Variants in CACNA1C observed in about 807,000 individuals in gnomAD.
CACNA1C encodes calcium voltage-gated channel subunit alpha1 C, also known as voltage-dependent L-type calcium channel subunit alpha-1C.
CACNA1C carries 30 observed loss-of-function variants against 229.0 expected under a neutral mutation model. That is an observed-to-expected ratio of 0.13 (90% CI 0.10 to 0.18). CACNA1C has a LOEUF of 0.18. Among genes scored for constraint, CACNA1C ranks in the 10% least tolerant of loss-of-function variants. The pLI, the probability that CACNA1C is intolerant of heterozygous loss-of-function variation, is 1.00. For synonymous variants in CACNA1C, 1,114 were observed against 1,132.5 expected, an observed-to-expected ratio of 0.98 and a Z score of 0.33; for missense variants, 1,658 against 2,845.0, an observed-to-expected ratio of 0.58 and a Z score of 9.49.
At chr12:2,474,629 G>A (rs1028208470) in intron 5 of CACNA1C, among the ~76,000 whole-genome samples, 12 of 151,962 alleles carry the variant, frequency 7.9e-5, no homozygotes, top group Non-Finnish European at 1.8e-4. Context: ...GGTGGCACAC[G>A]CCGGTAATCC....
In CACNA1C at chr12:2,602,564, T is replaced by C. The variant is rs1262369623; in HGVS notation, c.2960+604T>C. On this transcript the variant is annotated intron_variant, in intron 22 of 46. Coordinates refer to ENST00000399655, the MANE Select transcript of CACNA1C (RefSeq NM_000719.7). The surrounding 1 kb of genome is among the most constrained non-coding windows in gnomAD (Gnocchi z 4.4). Reference sequence around the variant, plus strand: ...ATATGTGTCTATGGACGTGAATGTATATGTGTATGTATGTGCATATGTATG... The same window carrying C: ...ATATGTGTCTATGGACGTGAATGTACATGTGTATGTATGTGCATATGTATG... Among the ~76,000 whole-genome samples the C allele has an allele frequency of 6.6e-6, 1 of 152,014 alleles. No individual in the cohort carries two copies. The highest frequency in any genetic ancestry group is 1.5e-5 in the Non-Finnish European group (1 of 68,004).
At chr12:2,151,262 AT>A (rs113212437) in intron 3 of CACNA1C, among the ~76,000 whole-genome samples, 30 of 147,572 alleles carry the variant, frequency 2.0e-4, no homozygotes, top group South Asian at 6.5e-4. Flanking sequence ...GCACAGTAAG[AT>A]TTTTTTTTTT....
In CACNA1C at chr12:2,019,678, G is replaced by A. The variant is rs370034616; in HGVS notation, c.139+48477G>A. 8.2e-4 allele frequency among the ~76,000 whole-genome samples: 125 copies of A among 152,272 alleles called. 1 individual carries two copies. The highest frequency in any genetic ancestry group is 3.0e-3 in the African/African-American group (124 of 41,556). The stretch of plus-strand genomic sequence containing the variant: ...CTAATGTAACATGGTATTTTTGTGA[G>A]AGGATACTGTTAACTATAGCAATCA... On this transcript the variant is annotated intron_variant, in intron 1 of 46. Transcript: ENST00000682462.
At chr12:2,180,177 A>G (rs374336885) in intron 3 of CACNA1C, among the ~76,000 whole-genome samples, 49 of 152,330 alleles carry the variant, frequency 3.2e-4, no homozygotes, top group African/African-American at 1.2e-3. Context: ...TTCTGAGTAA[A>G]CACGCATGCA....
intron 1 of CACNA1C, among the ~76,000 whole-genome samples, chr12:2,033,681 G>A (rs1443053648): frequency 6.6e-6 from 1 of 152,166 alleles, no homozygotes; most frequent in African/African-American, 2.4e-5. Flanking sequence ...ATCCCAGCTC[G>A]CTCTCATTTA....
At position 2,287,631 on chromosome 12, in the gene CACNA1C, G is replaced by A. The variant is rs1304386794; in HGVS notation, c.478-161345G>A. Among the ~76,000 whole-genome samples, 2 of 152,104 alleles carry A rather than the reference G, an allele frequency of 1.3e-5. No individual in the cohort carries two copies. The highest frequency in any genetic ancestry group is 2.1e-4 in the South Asian group (1 of 4,816). ...CCCTGGCCACACATAAGAATCATCT[G>A]GGATCATTTAACAAAAAACAATGCC... is the stretch of plus-strand genomic sequence containing the variant. On this transcript the variant is annotated intron_variant, in intron 3 of 46. Transcript: ENST00000399655. This position sits in a 1 kb window ranked among gnomAD's most constrained non-coding sequence, Gnocchi z 4.6.
intron 30 of CACNA1C, among the ~76,000 whole-genome samples, chr12:2,638,393 C>A (rs1453671146): frequency 2.0e-5 from 3 of 151,976 alleles, no homozygotes; most frequent in Non-Finnish European, 4.4e-5. Context: ...CTGGCTGGTG[C>A]GGACTGAGCT....
intron 9 of CACNA1C, among the ~76,000 whole-genome samples, chr12:2,521,515 G>A (rs1348952008): frequency 6.6e-6 from 1 of 152,122 alleles, no homozygotes; most frequent in Non-Finnish European, 1.5e-5. Flanking sequence ...GGGCCTGGAG[G>A]ACAGCATCCT....
At chr12:2,106,470 G>C (rs1238550381) in intron 1 of CACNA1C, among the ~76,000 whole-genome samples, 1 of 96,192 alleles carries the variant, frequency 1.0e-5, no homozygotes, top group African/African-American at 4.0e-5. Flanking sequence ...GTGTCCTGAA[G>C]CCACTGGGAG....
chr12:2,199,623 T>G (rs904957318), intron 3 of CACNA1C, among the ~76,000 whole-genome samples: 2 of 152,150 alleles, frequency 1.3e-5, no homozygotes, highest in African/African-American at 2.4e-5. Context: ...TTTTCAACTG[T>G]AAGGGAGTCA....
At chr12:2,439,526 A>G (rs573083858) in intron 3 of CACNA1C, among the ~76,000 whole-genome samples, 130 of 152,242 alleles carry the variant, frequency 8.5e-4, no homozygotes, top group African/African-American at 2.1e-3. Context: ...GTGTCAGACA[A>G]CGAGGCAGCT....
intron 9 of CACNA1C, among the ~76,000 whole-genome samples, chr12:2,532,848 T>C (rs1415199390): frequency 6.6e-6 from 1 of 152,160 alleles, no homozygotes; most frequent in Non-Finnish European, 1.5e-5. Context: ...GAGCCCAAGG[T>C]CAGGCCTCAC....
intron 1 of CACNA1C, among the ~76,000 whole-genome samples, chr12:1,981,008 C>T (rs141377561): frequency 7.6e-4 from 115 of 152,140 alleles, no homozygotes; most frequent in African/African-American, 2.6e-3. Flanking sequence ...TATATATATG[C>T]ATTATACATC....
At chr12:2,175,560 T>C (rs2096620925) in intron 3 of CACNA1C, among the ~76,000 whole-genome samples, 1 of 146,702 alleles carries the variant, frequency 6.8e-6, no homozygotes, top group Non-Finnish European at 1.5e-5. Flanking sequence ...GATGGGTGGG[T>C]GGGCTCCGGG....
At chr12:2,013,428 T>A (rs1262655277) in intron 1 of CACNA1C, among the ~76,000 whole-genome samples, 1 of 152,246 alleles carries the variant, frequency 6.6e-6, no homozygotes, top group Non-Finnish European at 1.5e-5. Flanking sequence ...AAGGCACTTA[T>A]AACAAAATGT....
intron 1 of CACNA1C, among the ~76,000 whole-genome samples, chr12:1,996,376 C>T (rs11062049): frequency 6.6e-6 from 1 of 151,982 alleles, no homozygotes; most frequent in Admixed American, 6.5e-5. Context: ...TGCACCACAT[C>T]TCCCTCACTG....
chr12:2,337,766 G>T (rs566026907), intron 3 of CACNA1C, among the ~76,000 whole-genome samples: 47 of 152,344 alleles, frequency 3.1e-4, no homozygotes, highest in Admixed American at 7.8e-4. Flanking sequence ...CTGCCCAGAG[G>T]AACTGAGTAA....
chr12:2,070,855 C>T (rs2060919127), intron 1 of CACNA1C, among the ~76,000 whole-genome samples: 1 of 151,054 alleles, frequency 6.6e-6, no homozygotes, highest in Admixed American at 6.6e-5. Context: ...TTCTCTCTTC[C>T]TTTTTCTTTC....
chr12:2,410,253 G>A lies in CACNA1C; in HGVS notation c.478-38723G>A, dbSNP rs1443410681. On this transcript the variant is annotated intron_variant, in intron 3 of 46. Coordinates refer to ENST00000399655, the MANE Select transcript of CACNA1C (RefSeq NM_000719.7). This position sits in a 1 kb window ranked among gnomAD's most constrained non-coding sequence, Gnocchi z 5.3. ...GCGACCGCAGAATCGACCTCAACGA[G>A]CTCGTCGCCGGGCACCGTTTTAGCA... Among the ~76,000 whole-genome samples, 1 of 152,134 alleles carries A rather than the reference G, an allele frequency of 6.6e-6. No homozygotes were observed. The highest frequency in any genetic ancestry group is 2.4e-5 in the African/African-American group (1 of 41,430).
Sources: allele counts gnomAD v4.1 joint callset (sites outside exome capture counted in the v4.1 genomes callset), GRCh38; gene constraint gnomAD v4.1.1; non-coding constraint Gnocchi (gnomAD v3.1); transcripts MANE v1.5; gene names NCBI Gene and HGNC (gene_info 2026-07-23, HGNC 2026-07-21).